The following COL5A3 variants were observed in gnomAD, a reference collection of about 807,000 sequenced individuals.
The protein encoded by COL5A3 is collagen alpha-3(V) chain.
Under a neutral mutation model 250.0 loss-of-function variants are expected in COL5A3, and 172 were observed. The ratio of observed to expected loss-of-function variants is 0.69; its 90% confidence interval spans 0.61 to 0.78. COL5A3 has a LOEUF of 0.78. Ranked by LOEUF, COL5A3 falls within the 30% of genes least tolerant of loss-of-function variation. The pLI is 0.00. For missense variants in COL5A3, 2,340 were observed against 2,334.4 expected, an observed-to-expected ratio of 1.00 and a Z score of -0.05; for synonymous variants, 937 against 900.4, an observed-to-expected ratio of 1.04 and a Z score of -0.73.
Position 9,961,014 on chromosome 19 carries a change from A to G in COL5A3, c.4852-124T>C. 3.4e-6 allele frequency: 4 copies of G among 1,167,372 alleles called. No homozygotes were observed. In the South Asian group the frequency reaches 5.8e-5, roughly 17 times the overall value. 72.3% of individuals were successfully genotyped at this position (1,167,372 alleles called of 1,614,324 possible). ...CCCCCCCATGTCACCATCTCTGAGG[A>G]GGTCCCACCAGCCACCTAGAGATCC... On this transcript the variant is annotated intron_variant, in intron 65 of 66. Transcript: ENST00000264828.
rs116913367 is a variant in COL5A3, at chr19:9,970,383, G to A, written c.3936+239C>T. 3.1e-3 allele frequency among the ~76,000 whole-genome samples: 225 copies of A among 71,474 alleles called. 2 individuals carry two copies. Among genetic ancestry groups the A allele is most frequent in the Non-Finnish European group, 4.2e-3 (144 of 34,582 alleles). 46.9% of individuals were successfully genotyped at this position (71,474 alleles called of 152,430 possible). On this transcript the variant is annotated intron_variant, in intron 54 of 66. Transcript: ENST00000264828. ...AGTGGGGTCTGTGGGGTAAGCGGGG[G>A]CTGTGGGGTGAGTGGGGTCTGTGGG...
At position 9,977,675 on chromosome 19, in the gene COL5A3, C is replaced by A; in HGVS notation, c.3045G>T (p.Leu1015Phe). Residue 1015 changes from leucine to phenylalanine, a missense_variant, in exon 42 of 67, where the codon TTG becomes TTT. Coordinates refer to ENST00000264828, the MANE Select transcript of COL5A3 (RefSeq NM_015719.4). Reference sequence around the variant, plus strand: ...GAAGTCCAATGCCTCCTGCTGGGCCCAAAGGACCGCGCTCACCAGGGGAGC... The same window carrying A: ...GAAGTCCAATGCCTCCTGCTGGGCCAAAAGGACCGCGCTCACCAGGGGAGC... ...ANGSPGERGP[L>F]GPAGGIGLPG... 1 of 1,606,080 alleles carries A rather than the reference C, an allele frequency of 6.2e-7. No individual in the cohort carries two copies. The highest frequency in any genetic ancestry group is 8.5e-7 in the Non-Finnish European group (1 of 1,176,060).
In COL5A3 at chr19:9,968,525, A is replaced by T. The variant is rs769819623; in HGVS notation, c.4207-33T>A. The T allele has an allele frequency of 1.3e-6, 2 of 1,579,558 alleles. No homozygotes were observed. Among genetic ancestry groups the T allele is most frequent in the Non-Finnish European group, 1.7e-6 (2 of 1,164,862 alleles). On this transcript the variant is annotated intron_variant, in intron 58 of 66. Transcript: ENST00000264828. This position sits in a 1 kb window ranked among gnomAD's most constrained non-coding sequence, Gnocchi z 4.1. ...ACAAAAGAGGCACAGACAGGGGAGGACGTGGGAGGATTCAGGGAGGTTTTT... is the reference window on the plus strand; with the variant it reads ...ACAAAAGAGGCACAGACAGGGGAGGTCGTGGGAGGATTCAGGGAGGTTTTT...
chr19:9,991,712 G>GT (rs1178239253), intron 23 of COL5A3, 58 bp from the exon 24 acceptor site: 1 of 1,603,210 alleles, frequency 6.2e-7, no homozygotes, highest in African/African-American at 1.3e-5. Context: ...GAGTGTGGAG[G>GT]TTGGGAAGCC....
At chr19:9,976,285 G>C (rs1284121529) in intron 45 of COL5A3, among the ~76,000 whole-genome samples, 1 of 151,536 alleles carries the variant, frequency 6.6e-6, no homozygotes, top group Non-Finnish European at 1.5e-5. Flanking sequence ...GTTCATACTG[G>C]GTGTTTGTAC....
chr19:9,973,734 G>T, intron 49 of COL5A3, 22 bp downstream of exon 49: 1 of 1,613,710 alleles, frequency 6.2e-7, no homozygotes, highest in Non-Finnish European at 8.5e-7. Context: ...CCCCCGTGCA[G>T]CCCCTGCCTT....
Position 9,983,612 on chromosome 19 carries a change from GAGAGAGAA to G in COL5A3, c.2407-1502_2407-1495del, listed in dbSNP as rs1568418906. 5.4e-3 allele frequency among the ~76,000 whole-genome samples: 653 copies of G among 121,412 alleles called. 16 individuals are homozygous for G. The highest frequency in any genetic ancestry group is 0.018 in the African/African-American group (616 of 33,940). 79.7% of individuals were successfully genotyped at this position (121,412 alleles called of 152,430 possible). ...AGAAAGAAAGAAAGAGAAAGAGAGA[GAGAGAGAA>G]AGAAAGAAAGAAGAGAGAGAGAGAA... On this transcript the variant is annotated intron_variant, in intron 31 of 66. Transcript: ENST00000264828.
At chr19:10,002,752 G>A (rs988059446) in intron 6 of COL5A3, among the ~76,000 whole-genome samples, 10 of 151,992 alleles carry the variant, frequency 6.6e-5, no homozygotes, top group Admixed American at 3.9e-4. Flanking sequence ...CAACAAAAGC[G>A]TCCTAACCAA....
intron 41 of COL5A3, among the ~76,000 whole-genome samples, 197 bp from the exon 42 acceptor site, chr19:9,977,898 G>A (rs985479496): frequency 1.0e-4 from 15 of 147,612 alleles, no homozygotes; most frequent in Non-Finnish European, 1.5e-4. Flanking sequence ...ACACTCCATG[G>A]CTCCCATCTC....
At chr19:9,969,736 G>T in intron 55 of COL5A3, 54 bp from the exon 56 acceptor site, 1 of 1,579,340 alleles carries the variant, frequency 6.3e-7, no homozygotes, top group Non-Finnish European at 8.6e-7. Flanking sequence ...CCTGCCTCCT[G>T]ACCCCTGCCA....
At chr19:9,999,022 CTTTCTCTTTCTT>C (rs1265006930) in intron 8 of COL5A3, among the ~76,000 whole-genome samples, 4 of 112,918 alleles carry the variant, frequency 3.5e-5, no homozygotes, top group African/African-American at 1.8e-4. Flanking sequence ...TTCTTTCTTT[CTTTCTCTTTCTT>C]TTTCTTTCTC....
At chr19:9,977,148 T>G (rs1053294080) in intron 44 of COL5A3, 81 bp downstream of exon 44, 245 of 1,366,568 alleles carry the variant, frequency 1.8e-4, no homozygotes, top group Non-Finnish European at 2.3e-4. Flanking sequence ...TCCTACCCCA[T>G]GGAGAATGAT....
Position 10,006,128 on chromosome 19 carries a change from T to A in COL5A3, c.192A>T (p.Ala64=), listed in dbSNP as rs754721556. The part of the protein sequence containing the change: ...CPQRTPEGDR[A]FRIGQASTLG... Reference sequence around the variant, plus strand: ...GCGTGCTGGCCTGGCCAATTCTGAATGCCCGGTCACCCTCTGGAGTCCTCT... The same window carrying A: ...GCGTGCTGGCCTGGCCAATTCTGAAAGCCCGGTCACCCTCTGGAGTCCTCT... The change falls in exon 2 of 67, where the codon GCA becomes GCT. Residue 64 remains alanine (A), a synonymous_variant. Transcript: ENST00000264828. The A allele has an allele frequency of 6.2e-7, 1 of 1,613,656 alleles. No individual in the cohort carries two copies. The highest frequency in any genetic ancestry group is 1.3e-5 in the African/African-American group (1 of 75,016).
rs753766979 is a variant in COL5A3 at position 9,977,596 on chromosome 19, G to A, written c.3124C>T (p.Arg1042Trp). 3.2e-5 allele frequency: 51 copies of A among 1,584,336 alleles called. No homozygotes were observed. Among genetic ancestry groups the A allele is most frequent in the Admixed American group, 2.0e-4 (11 of 55,502 alleles). ...PVGPAGKKGS[R>W]GERGPPGPTG... Reference sequence around the variant, plus strand: ...AATGGGATGGGCAAGTCACTTACCCGGGACCCCTTCTTGCCTGCAGGGCCA... The same window carrying A: ...AATGGGATGGGCAAGTCACTTACCCAGGACCCCTTCTTGCCTGCAGGGCCA... Residue 1042 changes from arginine to tryptophan, a missense_variant and splice_region_variant, in exon 42 of 67, where the codon CGG becomes TGG. Transcript: ENST00000264828.
intron 61 of COL5A3, 68 bp from the exon 62 acceptor site, chr19:9,967,468 A>AACACAC (rs903323360): frequency 5.3e-5 from 53 of 997,988 alleles, no homozygotes; most frequent in South Asian, 2.2e-4. Flanking sequence ...CATACACACA[A>AACACAC]ACACACACAC....
At chr19:9,967,459 A>G (rs1485636790) in intron 61 of COL5A3, 59 bp from the exon 62 acceptor site, 14 of 1,217,796 alleles carry the variant, frequency 1.1e-5, no homozygotes, top group Admixed American at 2.8e-5. Flanking sequence ...TCCCACCAAC[A>G]TACACACAAA....
At chr19:9,997,889 A>T in intron 10 of COL5A3, 95 bp downstream of exon 10, 1 of 1,374,268 alleles carries the variant, frequency 7.3e-7, no homozygotes, top group Non-Finnish European at 1.0e-6. Flanking sequence ...CCACTTGGCC[A>T]GGCAACATTA....
At chr19:9,991,215 C>G (rs2087184038) in intron 24 of COL5A3, among the ~76,000 whole-genome samples, 1 of 152,202 alleles carries the variant, frequency 6.6e-6, no homozygotes, top group Non-Finnish European at 1.5e-5. Flanking sequence ...GCACTCCAGC[C>G]TGGGCGACAG....
Position 9,977,461 on chromosome 19 carries a change from G to A in COL5A3, c.3138C>T (p.Gly1046=), listed in dbSNP as rs751164972. The A allele has an allele frequency of 8.6e-6, 13 of 1,518,160 alleles. No individual in the cohort carries two copies. The East Asian group carries it at 9.1e-5, about 11-fold the overall frequency. The allele number at this position is 1,518,160 out of a possible 1,614,324, so 94.0% of individuals were successfully genotyped here. A position where few individuals can be genotyped will look rare whatever the true frequency, so the allele number is the denominator to read the frequency against. The change falls in exon 43 of 67, where the codon GGC becomes GGT. Residue 1046 remains glycine (G), a synonymous_variant. Coordinates refer to ENST00000264828, the MANE Select transcript of COL5A3 (RefSeq NM_015719.4). ...CATCTTTGCCAGTGGGGCCAGGGGG[G>A]CCACGTTCTCCCTGTTGTGGGGAAT... ...AGKKGSRGER[G]PPGPTGKDGI...
Sources: gnomAD v4.1 joint callset for allele counts (sites outside exome capture counted in the v4.1 genomes callset) on GRCh38, gnomAD v4.1.1 for gene constraint, Gnocchi (gnomAD v3.1) non-coding constraint, MANE v1.5 for transcripts, NCBI Gene and HGNC (gene_info 2026-07-23, HGNC 2026-07-21) for gene names.